The following SH3RF3 variants were observed in gnomAD, a reference collection of about 807,000 sequenced individuals.
SH3RF3 encodes E3 ubiquitin-protein ligase SH3RF3.
Under a neutral mutation model 66.3 loss-of-function variants are expected in SH3RF3, and 29 were observed. The ratio of observed to expected loss-of-function variants is 0.44; its 90% CI spans 0.33 to 0.60. The LOEUF (loss-of-function observed/expected upper bound fraction) is 0.60, where lower values mean the gene tolerates loss of function less well. Ranked by LOEUF, SH3RF3 falls within the 20% of genes least tolerant of loss-of-function variation. The pLI is 0.04. For missense variants in SH3RF3, 1,194 were observed against 1,190.9 expected (o/e 1.00, Z -0.04); for synonymous variants, 583 against 532.0 (o/e 1.10, Z -1.32).
At chr2:109,234,729 C>T (rs975647895) in intron 1 of SH3RF3, among the ~76,000 whole-genome samples, 2 of 152,188 alleles carry the variant, frequency 1.3e-5, no homozygotes, top group Non-Finnish European at 2.9e-5. Flanking sequence ...CTCTTGGAGT[C>T]TTCTGTGTGG....
intron 1 of SH3RF3, among the ~76,000 whole-genome samples, chr2:109,209,198 G>A (rs2105099421): frequency 6.6e-6 from 1 of 152,322 alleles, no homozygotes; most frequent in African/African-American, 2.4e-5. Flanking sequence ...TGAGGCTGGT[G>A]GTCTCATATG....
intron 1 of SH3RF3, among the ~76,000 whole-genome samples, chr2:109,137,983 A>T (rs1253920333): frequency 6.6e-6 from 1 of 152,208 alleles, no homozygotes; most frequent in Non-Finnish European, 1.5e-5. Flanking sequence ...TTACCCATAA[A>T]TGCAATGGCA....
chr2:109,253,710 A>G (rs1680150999), intron 1 of SH3RF3, among the ~76,000 whole-genome samples: 1 of 152,214 alleles, frequency 6.6e-6, no homozygotes, highest in African/African-American at 2.4e-5. Context: ...AATAGAACAT[A>G]TAATAGAACA....
intron 7 of SH3RF3, among the ~76,000 whole-genome samples, chr2:109,442,134 AC>A (rs1377067941): frequency 2.0e-5 from 3 of 152,074 alleles, no homozygotes; most frequent in African/African-American, 7.2e-5. Flanking sequence ...ACACAGTGAA[AC>A]CCCGTCTCTA....
At chr2:109,312,228 G>A (rs560196641) in intron 1 of SH3RF3, among the ~76,000 whole-genome samples, 55 of 152,246 alleles carry the variant, frequency 3.6e-4, no homozygotes, top group African/African-American at 1.1e-3. Context: ...AAACACACAA[G>A]GCCAGAGGGA....
intron 1 of SH3RF3, among the ~76,000 whole-genome samples, chr2:109,214,959 G>C (rs1574508619): frequency 2.0e-5 from 3 of 152,246 alleles, no homozygotes; most frequent in Admixed American, 2.0e-4. Context: ...GAGGAGAGAA[G>C]GGGCACGTCG....
chr2:109,339,225 T>C (rs978303673), intron 1 of SH3RF3, among the ~76,000 whole-genome samples: 4 of 147,970 alleles, frequency 2.7e-5, no homozygotes, highest in Non-Finnish European at 1.5e-5. Context: ...AAAATCCACG[T>C]ATAAGTAGAC....
In SH3RF3 at chr2:109,261,097, A is replaced by G. The variant is rs575913497; in HGVS notation, c.574-86577A>G. ...GTCTTACACGGGTCCATTTCTGCCA[A>G]GACGCCCAATGGGGGCCCAACAGCC... On this transcript the variant is annotated intron_variant, in intron 1 of 9. Transcript: ENST00000309415. Among the ~76,000 whole-genome samples the G allele has an allele frequency of 7.2e-5, 11 of 152,308 alleles. No individual in the cohort carries two copies. In the South Asian group the frequency reaches 1.0e-3, roughly 14 times the overall value.
chr2:109,203,238 C>T (rs1016481008), intron 1 of SH3RF3, among the ~76,000 whole-genome samples: 23 of 152,218 alleles, frequency 1.5e-4, no homozygotes, highest in African/African-American at 5.3e-4. Context: ...TCAGAGAGCC[C>T]CAGGGCAGCA....
intron 1 of SH3RF3, among the ~76,000 whole-genome samples, chr2:109,310,812 T>C (rs1300544485): frequency 1.0e-5 from 1 of 95,434 alleles, no homozygotes; most frequent in Non-Finnish European, 1.9e-5. Context: ...AATCTCTGAA[T>C]AGACCAATAA....
chr2:109,436,712 G>C (rs1677409893), intron 6 of SH3RF3, among the ~76,000 whole-genome samples, 181 bp from the exon 7 acceptor site: 1 of 152,234 alleles, frequency 6.6e-6, no homozygotes, highest in Non-Finnish European at 1.5e-5. Context: ...TGCACCCCAT[G>C]AAGGTTTTGT....
At chr2:109,166,368 T>A (rs1437576330) in intron 1 of SH3RF3, among the ~76,000 whole-genome samples, 1 of 150,744 alleles carries the variant, frequency 6.6e-6, no homozygotes, top group Non-Finnish European at 1.5e-5. Flanking sequence ...TCCCAGCTAC[T>A]TGGGAGGCTG....
chr2:109,364,390 C>T (rs1683116165), intron 2 of SH3RF3, among the ~76,000 whole-genome samples: 1 of 152,208 alleles, frequency 6.6e-6, no homozygotes, highest in South Asian at 2.1e-4. Flanking sequence ...CTAGTTCAAA[C>T]ATTAAAGCCC....
chr2:109,151,416 A>G (rs571160843), intron 1 of SH3RF3, among the ~76,000 whole-genome samples: 2 of 152,246 alleles, frequency 1.3e-5, no homozygotes, highest in Non-Finnish European at 2.9e-5. Context: ...TCCTAATTTT[A>G]TACTCCAAAG....
chr2:109,409,416 G>A (rs574371242), intron 4 of SH3RF3, among the ~76,000 whole-genome samples: 3 of 152,324 alleles, frequency 2.0e-5, no homozygotes, highest in Admixed American at 2.0e-4. Flanking sequence ...TGGATGGTGG[G>A]CATGGCTGGC....
At chr2:109,330,950 AGT>A (rs956301409) in intron 1 of SH3RF3, among the ~76,000 whole-genome samples, 1 of 152,138 alleles carries the variant, frequency 6.6e-6, no homozygotes, top group Admixed American at 6.6e-5. Context: ...GTCCCCAGCA[AGT>A]GTGTGTTGAA....
intron 2 of SH3RF3, among the ~76,000 whole-genome samples, chr2:109,365,513 GC>G (rs1331477049): frequency 1.3e-5 from 2 of 152,138 alleles, no homozygotes; most frequent in Non-Finnish European, 2.9e-5. Flanking sequence ...AGTTTGTTCA[GC>G]TTTTTTACTC....
intron 3 of SH3RF3, among the ~76,000 whole-genome samples, chr2:109,393,431 C>T (rs557346920): frequency 1.1e-4 from 16 of 152,312 alleles, no homozygotes; most frequent in Admixed American, 9.8e-4. Flanking sequence ...CCTATTGAGC[C>T]GGAGTTGGCC....
chr2:109,436,290 G>A (rs1401872583), intron 6 of SH3RF3, among the ~76,000 whole-genome samples: 1 of 152,174 alleles, frequency 6.6e-6, no homozygotes, highest in East Asian at 1.9e-4. Context: ...ATACACAGAG[G>A]GAAAGCGTGA....
Sources: allele counts gnomAD v4.1 joint callset (sites outside exome capture counted in the v4.1 genomes callset), GRCh38; gene constraint gnomAD v4.1.1; transcripts MANE v1.5; gene names NCBI Gene and HGNC (gene_info 2026-07-23, HGNC 2026-07-21).